DNAAF9: variants seen among roughly 807,000 people sequenced by gnomAD.
DNAAF9 encodes shulin.
DNAAF9 carries 90 observed loss-of-function variants against 167.0 expected under a neutral mutation model. That is an observed-to-expected ratio of 0.54 (90% confidence interval 0.45 to 0.64). The LOEUF (loss-of-function observed/expected upper bound fraction) is 0.64, where lower values mean the gene tolerates loss of function less well. DNAAF9 is among the 30% of genes least tolerant of loss of function. The pLI is 0.00. For missense variants in DNAAF9, 1,315 were observed against 1,442.2 expected, an observed-to-expected ratio of 0.91 and a Z score of 1.43; for synonymous variants, 491 against 508.8, an observed-to-expected ratio of 0.96 and a Z score of 0.47.
At chr20:3,380,382 AC>A (rs1351518917) in intron 3 of DNAAF9, among the ~76,000 whole-genome samples, 6 of 152,214 alleles carry the variant, frequency 3.9e-5, no homozygotes, top group African/African-American at 1.4e-4. Context: ...TAAGGACTTA[AC>A]CAGAGAAGAA....
rs973912121 is a variant in DNAAF9, at chr20:3,257,823, C to T, written c.3056-1612G>A. Among the ~76,000 whole-genome samples the T allele has an allele frequency of 3.9e-5, 6 of 152,192 alleles. No individual in the cohort carries two copies. The East Asian group carries it at 1.2e-3, about 29-fold the overall frequency. On this transcript the variant is annotated intron_variant, in intron 33 of 36. Transcript: ENST00000252032. ...AGGTTCAAGTGATTCTCCTGTCTCACCCTCCCAAGTAGCTGGGATTACAGC... is the reference window on the plus strand; with the variant it reads ...AGGTTCAAGTGATTCTCCTGTCTCATCCTCCCAAGTAGCTGGGATTACAGC...
At chr20:3,252,833 T>C (rs2068216860) in intron 36 of DNAAF9, 149 bp from the exon 37 acceptor site, 2 of 629,510 alleles carry the variant, frequency 3.2e-6, no homozygotes, top group Admixed American at 2.7e-5. Flanking sequence ...TCTTTGTATA[T>C]ACTGGCAGCA....
intron 7 of DNAAF9, among the ~76,000 whole-genome samples, chr20:3,353,212 G>C (rs2070360383): frequency 6.6e-6 from 1 of 151,694 alleles, no homozygotes. Flanking sequence ...CTCTCTCTCT[G>C]ATACTCATAA....
rs544103586 is a variant in DNAAF9, at chr20:3,388,239, T to C, written c.84-5733A>G. ...ATTAGTATGGCTACTATCAAAAAAC[T>C]AGAAAATAACAAGTGCCATCAAGGA... On this transcript the variant is annotated intron_variant, in intron 1 of 36. Transcript: ENST00000252032. 3.3e-5 allele frequency among the ~76,000 whole-genome samples: 5 copies of C among 152,138 alleles called. No individual in the cohort carries two copies. In the East Asian group the frequency reaches 9.7e-4, roughly 29 times the overall value.
In DNAAF9 at chr20:3,395,431, C is replaced by A. The variant is rs942018603; in HGVS notation, c.83+12044G>T. ...GAGTAGCTGTGATTACAGATGTGCG[C>A]CACTATGCCCAGCTGATTTTTGTAT... is the stretch of plus-strand genomic sequence containing the variant. On this transcript the variant is annotated intron_variant, in intron 1 of 36. Transcript: ENST00000252032. Among the ~76,000 whole-genome samples, 16 of 152,174 alleles carry A rather than the reference C, an allele frequency of 1.1e-4. 1 individual carries two copies. Among genetic ancestry groups the A allele is most frequent in the African/African-American group, 3.6e-4 (15 of 41,518 alleles).
intron 7 of DNAAF9, among the ~76,000 whole-genome samples, chr20:3,349,598 T>G (rs2070274302): frequency 6.6e-6 from 1 of 152,158 alleles, no homozygotes; most frequent in African/African-American, 2.4e-5. Context: ...AGTAGCCACA[T>G]GAGCACTGAG....
intron 1 of DNAAF9, among the ~76,000 whole-genome samples, chr20:3,406,021 GCAGGAGTTCAAAAATGT>G (rs1391875593): frequency 1.3e-5 from 2 of 152,212 alleles, no homozygotes; most frequent in African/African-American, 4.8e-5. Flanking sequence ...GAAGGGCAGA[GCAGGAGTTCAAAAATGT>G]CACCTGACAG....
chr20:3,295,121 G>A (rs1401159151), intron 23 of DNAAF9, among the ~76,000 whole-genome samples: 4 of 151,778 alleles, frequency 2.6e-5, no homozygotes, highest in East Asian at 3.9e-4. Flanking sequence ...CGCCCACCTC[G>A]GCCTCCCAAA....
chr20:3,282,124 T>C (rs1423820965), intron 27 of DNAAF9, among the ~76,000 whole-genome samples: 1 of 152,158 alleles, frequency 6.6e-6, no homozygotes, highest in East Asian at 1.9e-4. Flanking sequence ...TTATTTTCTT[T>C]AGTAGCTCCT....
At chr20:3,258,016 ACCGAGC>A (rs2068311854) in intron 33 of DNAAF9, among the ~76,000 whole-genome samples, 2 of 93,134 alleles carry the variant, frequency 2.1e-5, no homozygotes, top group African/African-American at 1.0e-4. Context: ...GGTGTGAGCC[ACCGAGC>A]CTGGCCTAAT....
rs139913646 is a variant in DNAAF9, at chr20:3,369,242, T to C, written c.612+4806A>G. Among the ~76,000 whole-genome samples the C allele has an allele frequency of 1.3e-3, 198 of 152,318 alleles. 2 individuals are homozygous for C. The East Asian group carries it at 0.035, about 27-fold the overall frequency. ...ACTTAAGTGATTTAATTTAAAACCT[T>C]TTATTTCTCTTTATGATTGGGAATG... On this transcript the variant is annotated intron_variant, in intron 6 of 36. Coordinates refer to ENST00000252032, the MANE Select transcript of DNAAF9 (RefSeq NM_001009984.3).
chr20:3,287,706 C>T lies in DNAAF9; in HGVS notation c.2412G>A (p.Glu804=), dbSNP rs1600710483. Residue 804 remains glutamate (E), a synonymous_variant, in exon 27 of 37, where the codon GAG becomes GAA. Coordinates refer to ENST00000252032, the MANE Select transcript of DNAAF9 (RefSeq NM_001009984.3). ...GGCGCGCAGAGCGGTTCTGCTGGGC[C>T]TCTAGGGCACTGGAAAGGTATCTCT... ...HFQRYLSSAL[E]AQQNRSARQS... The T allele has an allele frequency of 1.2e-6, 2 of 1,614,214 alleles. No homozygotes were observed. Among genetic ancestry groups the T allele is most frequent in the South Asian group, 1.1e-5 (1 of 91,086 alleles).
At chr20:3,401,354 C>A (rs183611063) in intron 1 of DNAAF9, among the ~76,000 whole-genome samples, 1 of 151,972 alleles carries the variant, frequency 6.6e-6, no homozygotes, top group African/African-American at 2.4e-5. Context: ...TACAGGCACC[C>A]GTCACTAGGC....
At chr20:3,397,240 C>A (rs1274507705) in intron 1 of DNAAF9, among the ~76,000 whole-genome samples, 2 of 140,656 alleles carry the variant, frequency 1.4e-5, no homozygotes, top group Non-Finnish European at 3.1e-5. Context: ...AGAGTGAGAC[C>A]CCGTATCAAA....
In DNAAF9 at chr20:3,316,766, G is replaced by A. The variant is rs1376869373; in HGVS notation, c.1496C>T (p.Ser499Phe). The A allele has an allele frequency of 6.2e-7, 1 of 1,613,754 alleles. No homozygotes were observed. Among genetic ancestry groups the A allele is most frequent in the Non-Finnish European group, 8.5e-7 (1 of 1,179,746 alleles). The change falls in exon 18 of 37, where the codon TCC (serine) becomes TTC (phenylalanine). Residue 499 changes from serine to phenylalanine, a missense_variant. Coordinates refer to ENST00000252032, the MANE Select transcript of DNAAF9 (RefSeq NM_001009984.3). ...GGGTACAGCAGCAGTCAGGACTACG[G>A]AGCTGGTTTCTGTGGTAACAGTGCC... ...KDGTVTTETSSVVLTAAVPRF... is the reference protein window; with the variant it reads ...KDGTVTTETSFVVLTAAVPRF...
At chr20:3,256,283 A>G (rs2068279178) in intron 33 of DNAAF9, 72 bp from the exon 34 acceptor site, 1 of 1,068,606 alleles carries the variant, frequency 9.4e-7, no homozygotes, top group Admixed American at 1.8e-5. Flanking sequence ...GACTGTGACA[A>G]TGCAGATGGT....
intron 32 of DNAAF9, 140 bp from the exon 33 acceptor site, chr20:3,259,694 GT>G: frequency 1.4e-6 from 1 of 725,682 alleles, no homozygotes; most frequent in Non-Finnish European, 2.5e-6. Flanking sequence ...GCCACACCCT[GT>G]TGCTCCCCTG....
intron 27 of DNAAF9, among the ~76,000 whole-genome samples, chr20:3,282,534 A>C (rs959709162): frequency 6.6e-6 from 1 of 152,172 alleles, no homozygotes; most frequent in Non-Finnish European, 1.5e-5. Flanking sequence ...TGCTAAACCC[A>C]GAGTCAGATC....
intron 1 of DNAAF9, among the ~76,000 whole-genome samples, chr20:3,407,190 C>T (rs1347524174): frequency 6.6e-6 from 1 of 152,104 alleles, no homozygotes; most frequent in African/African-American, 2.4e-5. Context: ...AGTGTCTTCA[C>T]AGGGAATCGC....
Sources: allele counts gnomAD v4.1 joint callset (sites outside exome capture counted in the v4.1 genomes callset), GRCh38; gene constraint gnomAD v4.1.1; transcripts MANE v1.5; gene names NCBI Gene and HGNC (gene_info 2026-07-23, HGNC 2026-07-21).